OPRM1: variants seen among roughly 807,000 people sequenced by gnomAD.
OPRM1 encodes the protein mu-type opioid receptor.
OPRM1 carries 27 observed loss-of-function variants against 31.8 expected under a neutral mutation model. The ratio of observed to expected loss-of-function variants is 0.85; its 90% confidence interval spans 0.63 to 1.17. The LOEUF (loss-of-function observed/expected upper bound fraction) is 1.17. Ranked by LOEUF, OPRM1 falls within the 50% of genes most tolerant of loss-of-function variation. OPRM1 has a pLI of 0.00. For synonymous variants in OPRM1, 196 were observed against 189.9 expected (o/e 1.03, Z -0.26); for missense variants, 536 against 511.1 (o/e 1.05, Z -0.47).
intron 3 of OPRM1, among the ~76,000 whole-genome samples, chr6:154,169,687 G>A (rs1799720359): frequency 6.6e-6 from 1 of 152,080 alleles, no homozygotes; most frequent in Non-Finnish European, 1.5e-5. Flanking sequence ...ACCACACTTT[G>A]CCAGCCTCGG....
intron 3 of OPRM1, among the ~76,000 whole-genome samples, chr6:154,147,259 T>C (rs1199698214): frequency 6.6e-6 from 1 of 152,190 alleles, no homozygotes; most frequent in Non-Finnish European, 1.5e-5. Flanking sequence ...GGAGTCCATC[T>C]CTTCTCTCGC....
chr6:154,111,161 C>T (rs1411555245), intron 3 of OPRM1, among the ~76,000 whole-genome samples: 1 of 152,138 alleles, frequency 6.6e-6, no homozygotes, highest in African/African-American at 2.4e-5. Context: ...AGCCCTTGTA[C>T]TATAGATTCC....
In OPRM1 at chr6:154,122,019, T is replaced by G. The variant is rs534076098; in HGVS notation, c.*3298T>G. On this transcript the variant is annotated 3_prime_UTR_variant, in exon 4 of 4. Coordinates refer to ENST00000330432, the MANE Select transcript of OPRM1 (RefSeq NM_000914.5). ...ACCAAGATAAGATGGCACTAGAAAT[T>G]TCTCCAGCTTACGCCATGAATACTG... Among the ~76,000 whole-genome samples the G allele has an allele frequency of 6.6e-6, 1 of 152,306 alleles. No homozygotes were observed. The highest frequency in any genetic ancestry group is 6.5e-5 in the Admixed American group (1 of 15,286).
At chr6:154,069,334 G>T (rs879827736) in intron 1 of OPRM1, among the ~76,000 whole-genome samples, 2 of 152,142 alleles carry the variant, frequency 1.3e-5, no homozygotes, top group Non-Finnish European at 2.9e-5. Context: ...CACCTCCCAG[G>T]TTCAAGTGAT....
chr6:154,136,752 C>T (rs1798071054), downstream of OPRM1, among the ~76,000 whole-genome samples: 1 of 152,228 alleles, frequency 6.6e-6, no homozygotes, highest in East Asian at 1.9e-4. Context: ...CTTTCCATGA[C>T]CTGCCCATAT....
At chr6:154,068,827 A>G (rs1371567937) in intron 1 of OPRM1, among the ~76,000 whole-genome samples, 1 of 152,182 alleles carries the variant, frequency 6.6e-6, no homozygotes, top group Non-Finnish European at 1.5e-5. Context: ...TTCCACCAAC[A>G]TTGTGTGAGG....
intron 3 of OPRM1, chr6:154,155,244 C>T (rs1798666246): frequency 6.6e-6 from 1 of 152,114 alleles, no homozygotes; most frequent in African/African-American, 2.4e-5. Context: ...ATACAGGCTG[C>T]AAACATTTAG....
chr6:154,152,903 T>C (rs1051230484), intron 3 of OPRM1, among the ~76,000 whole-genome samples: 2 of 13,256 alleles, frequency 1.5e-4, no homozygotes, highest in Non-Finnish European at 3.0e-4. Flanking sequence ...CACCTAGCTA[T>C]TTTTTTTTTT....
intron 3 of OPRM1, among the ~76,000 whole-genome samples, chr6:154,115,924 G>GT (rs1796829545): frequency 6.6e-6 from 1 of 152,230 alleles, no homozygotes; most frequent in Non-Finnish European, 1.5e-5. Context: ...GGGAGCTCCT[G>GT]TTTAGTAGGC....
chr6:154,113,780 G>A (rs1252412311), intron 3 of OPRM1, among the ~76,000 whole-genome samples: 1 of 152,168 alleles, frequency 6.6e-6, no homozygotes, highest in Non-Finnish European at 1.5e-5. Context: ...GCAGTGTTAC[G>A]GGTTGGCAAT....
chr6:154,072,235 A>G (rs1287062040), intron 1 of OPRM1, among the ~76,000 whole-genome samples: 1 of 152,168 alleles, frequency 6.6e-6, no homozygotes, highest in Admixed American at 6.5e-5. Context: ...AAATATATAA[A>G]TGTGGCCGTT....
At chr6:154,244,311 T>TGA (rs147730157) in intron 3 of OPRM1, among the ~76,000 whole-genome samples, 2 of 151,150 alleles carry the variant, frequency 1.3e-5, no homozygotes, top group Non-Finnish European at 3.0e-5. Context: ...GGTGTGTGTG[T>TGA]GTGTGTGTGT....
chr6:154,219,372 G>A (rs1021208419), intron 3 of OPRM1, among the ~76,000 whole-genome samples: 1 of 152,132 alleles, frequency 6.6e-6, no homozygotes, highest in Non-Finnish European at 1.5e-5. Context: ...TGGGAAGGAC[G>A]GGCCAAGGAT....
intron 3 of OPRM1, among the ~76,000 whole-genome samples, chr6:154,153,434 G>A (rs548799427): frequency 2.3e-4 from 35 of 152,160 alleles, no homozygotes; most frequent in African/African-American, 7.7e-4. Context: ...CTGTAATCCC[G>A]GCACTTTGGG....
chr6:154,204,114 A>G (rs1327540791), intron 3 of OPRM1, among the ~76,000 whole-genome samples: 1 of 152,238 alleles, frequency 6.6e-6, no homozygotes, highest in African/African-American at 2.4e-5. Context: ...TCTTCGTTCT[A>G]GTTAAGAGAC....
downstream of OPRM1, among the ~76,000 whole-genome samples, chr6:154,134,045 A>AT (rs1279673022): frequency 6.6e-6 from 1 of 152,220 alleles, no homozygotes; most frequent in African/African-American, 2.4e-5. Context: ...TTTGGCTGTC[A>AT]TTTAAGGAGT....
intron 3 of OPRM1, among the ~76,000 whole-genome samples, chr6:154,194,812 G>A (rs959784879): frequency 6.6e-6 from 1 of 152,144 alleles, no homozygotes; most frequent in African/African-American, 2.4e-5. Flanking sequence ...ACCTGACACA[G>A]GATCAGAGAA....
In OPRM1 at chr6:154,120,998, AT is replaced by A. The variant is rs1253457353; in HGVS notation, c.*2283del. ...TTGTCAACGTTTTTCATTCAAAACC[AT>A]TTTTTAACGTAAATTTGCTAGAACC... On this transcript the variant is annotated 3_prime_UTR_variant, in exon 4 of 4. Coordinates refer to ENST00000330432, the MANE Select transcript of OPRM1 (RefSeq NM_000914.5). 6.6e-6 allele frequency among the ~76,000 whole-genome samples: 1 copy of A among 152,198 alleles called. No homozygotes were observed. The highest frequency in any genetic ancestry group is 1.5e-5 in the Non-Finnish European group (1 of 68,028).
At position 154,127,310 on chromosome 6, in the gene OPRM1, A is replaced by G. The variant is rs1201531566; in HGVS notation, c.*8589A>G. 6.6e-6 allele frequency among the ~76,000 whole-genome samples: 1 copy of G among 152,202 alleles called. No individual in the cohort carries two copies. Among genetic ancestry groups the G allele is most frequent in the African/African-American group, 2.4e-5 (1 of 41,450 alleles). On this transcript the variant is annotated 3_prime_UTR_variant, in exon 4 of 4. Coordinates refer to ENST00000330432, the MANE Select transcript of OPRM1 (RefSeq NM_000914.5). ...TTCCGCCAGAGACTTCCAAAAGAAG[A>G]GGTCTCATTTATAAAGTGAATTTGA...
Sources: allele counts gnomAD v4.1 joint callset (sites outside exome capture counted in the v4.1 genomes callset), GRCh38; gene constraint gnomAD v4.1.1; transcripts MANE v1.5; gene names NCBI Gene and HGNC (gene_info 2026-07-23, HGNC 2026-07-21).